Variants in LCLAT1 observed in about 807,000 individuals in gnomAD.
LCLAT1 encodes the protein lysocardiolipin acyltransferase 1.
In LCLAT1, 11 loss-of-function variants were observed where a neutral mutation model predicts 30.7. The observed-to-expected ratio is 0.36, with a 90% CI of 0.23 to 0.59. LCLAT1 has a LOEUF of 0.59. LCLAT1 is among the 20% of genes least tolerant of loss of function. The pLI is 0.77. For missense variants in LCLAT1, 402 were observed against 458.6 expected (o/e 0.88, Z 1.13); for synonymous variants, 155 against 151.3 (o/e 1.02, Z -0.18).
In LCLAT1 at chr2:30,594,262, T is replaced by A. The variant is rs573059896; in HGVS notation, c.628+26086T>A. 2.0e-5 allele frequency among the ~76,000 whole-genome samples: 3 copies of A among 152,302 alleles called. No homozygotes were observed. The East Asian group carries it at 5.8e-4, about 29-fold the overall frequency. On this transcript the variant is annotated intron_variant, in intron 5 of 5. Transcript: ENST00000379509. Reference sequence around the variant, plus strand: ...ACAGAATACATGTGTTTCTCCATATTCAATCCTACTGATTCATATAGTTTT... The same window carrying A: ...ACAGAATACATGTGTTTCTCCATATACAATCCTACTGATTCATATAGTTTT...
intron 1 of LCLAT1, among the ~76,000 whole-genome samples, chr2:30,494,382 C>T (rs1279973405): frequency 1.6e-4 from 25 of 152,108 alleles, no homozygotes; most frequent in Admixed American, 1.5e-3. Context: ...TTTTGAAAGA[C>T]TTGTTTCACA....
At chr2:30,499,891 C>T (rs1684289234) in intron 1 of LCLAT1, among the ~76,000 whole-genome samples, 1 of 152,084 alleles carries the variant, frequency 6.6e-6, no homozygotes. Flanking sequence ...ACATGAAACA[C>T]TTTAAGATAA....
At chr2:30,621,196 A>G (rs147854280) in intron 5 of LCLAT1, among the ~76,000 whole-genome samples, 1 of 152,318 alleles carries the variant, frequency 6.6e-6, no homozygotes, top group Admixed American at 6.5e-5. Flanking sequence ...ACTCATCCAG[A>G]TGTTGACTCT....
chr2:30,566,669 A>C (rs1665496685), intron 4 of LCLAT1, among the ~76,000 whole-genome samples: 1 of 152,168 alleles, frequency 6.6e-6, no homozygotes, highest in African/African-American at 2.4e-5. Flanking sequence ...TCAATTTCGG[A>C]ATGCAGCTGA....
At chr2:30,448,299 A>G (rs777733067) in intron 1 of LCLAT1, among the ~76,000 whole-genome samples, 5 of 152,268 alleles carry the variant, frequency 3.3e-5, no homozygotes, top group African/African-American at 4.8e-5. Context: ...CTCATGAAGT[A>G]TAACTACGTG....
chr2:30,515,388 A>G (rs987407079), intron 1 of LCLAT1, among the ~76,000 whole-genome samples: 4 of 152,262 alleles, frequency 2.6e-5, no homozygotes, highest in African/African-American at 9.6e-5. Flanking sequence ...TGTGAATAAA[A>G]TAACTAAGGA....
chr2:30,629,470 G>T (rs1194556128), intron 5 of LCLAT1, among the ~76,000 whole-genome samples: 2 of 152,188 alleles, frequency 1.3e-5, no homozygotes, highest in Admixed American at 1.3e-4. Flanking sequence ...TGAGGCAGGA[G>T]AATCGCTTGA....
Position 30,642,710 on chromosome 2 carries a change from A to G in LCLAT1, c.*2091A>G, listed in dbSNP as rs1047332331. 37 of 150,440 alleles carry G rather than the reference A, an allele frequency of 2.5e-4. No individual in the cohort carries two copies. Among genetic ancestry groups the G allele is most frequent in the African/African-American group, 7.8e-4 (32 of 40,972 alleles). The allele number at this position is 150,440 out of a possible 1,614,324, so 9.3% of individuals were successfully genotyped here. ...AGAGGGAAGATCCTCATTTTTTACA[A>G]TTTTGTTCCTTTTCATCATAGAAAA... On this transcript the variant is annotated 3_prime_UTR_variant, in exon 6 of 6. Coordinates refer to ENST00000379509, the MANE Select transcript of LCLAT1 (RefSeq NM_001002257.3).
At chr2:30,468,455 G>T (rs1682591976) in intron 1 of LCLAT1, among the ~76,000 whole-genome samples, 1 of 151,892 alleles carries the variant, frequency 6.6e-6, no homozygotes, top group South Asian at 2.1e-4. Flanking sequence ...AATTTCCATT[G>T]TGGTCATTTG....
intron 1 of LCLAT1, among the ~76,000 whole-genome samples, chr2:30,480,123 TGTATTAGTA>T (rs1219509358): frequency 6.6e-6 from 1 of 152,232 alleles, no homozygotes; most frequent in African/African-American, 2.4e-5. Flanking sequence ...TTATATTTGT[TGTATTAGTA>T]TTCTGTTTAA....
chr2:30,478,687 ATAGG>A (rs371152962), intron 1 of LCLAT1, among the ~76,000 whole-genome samples: 531 of 132,650 alleles, frequency 4.0e-3, no homozygotes, highest in African/African-American at 0.011. Flanking sequence ...AAATAGATAG[ATAGG>A]TAGGTAGGTA....
intron 1 of LCLAT1, among the ~76,000 whole-genome samples, chr2:30,482,231 G>A (rs1409779369): frequency 1.3e-5 from 2 of 152,124 alleles, no homozygotes; most frequent in Non-Finnish European, 2.9e-5. Context: ...TCTAAACTAA[G>A]CACTGTTTCT....
Position 30,637,825 on chromosome 2 carries a change from G to A in LCLAT1, c.629-2292G>A, listed in dbSNP as rs184800459. Among the ~76,000 whole-genome samples, 556 of 152,174 alleles carry A rather than the reference G, an allele frequency of 3.7e-3. 14 individuals are homozygous for A. Among genetic ancestry groups the A allele is most frequent in the Admixed American group, 0.028 (434 of 15,288 alleles). ...ACTCCTGACCTCAGGTGATCCACCCGCCTCGGCCTCCTAAAGTGCTGGGAT... is the reference window on the plus strand; with the variant it reads ...ACTCCTGACCTCAGGTGATCCACCCACCTCGGCCTCCTAAAGTGCTGGGAT... On this transcript the variant is annotated intron_variant, in intron 5 of 5. Transcript: ENST00000379509.
chr2:30,447,609 G>C (rs1361688603), intron 1 of LCLAT1: 2 of 152,306 alleles, frequency 1.3e-5, no homozygotes, highest in African/African-American at 2.4e-5. Context: ...GCGGGGAAGC[G>C]ACTCCTGGAG....
chr2:30,534,523 C>T (rs915185519), intron 3 of LCLAT1, among the ~76,000 whole-genome samples: 7 of 152,178 alleles, frequency 4.6e-5, no homozygotes, highest in Non-Finnish European at 4.4e-5. Context: ...CGTAAGCCGC[C>T]TGCGTTGGCC....
chr2:30,631,912 CA>C (rs1322847926), intron 5 of LCLAT1, among the ~76,000 whole-genome samples: 1 of 152,146 alleles, frequency 6.6e-6, no homozygotes, highest in African/African-American at 2.4e-5. Flanking sequence ...TACTGTTATT[CA>C]GATTTTCAGT....
In LCLAT1 at chr2:30,566,433, A is replaced by G. The variant is rs148191235; in HGVS notation, c.512-1627A>G. On this transcript the variant is annotated intron_variant, in intron 4 of 5. Transcript: ENST00000379509. ...ATATCCTCAAATGAATATGAGAGGAACTTACTACTCTTCATGTGTAGGGCC... is the reference window on the plus strand; with the variant it reads ...ATATCCTCAAATGAATATGAGAGGAGCTTACTACTCTTCATGTGTAGGGCC... 6.9e-3 allele frequency among the ~76,000 whole-genome samples: 1,047 copies of G among 152,286 alleles called. 6 individuals are homozygous for G. The highest frequency in any genetic ancestry group is 0.011 in the Non-Finnish European group (736 of 68,016).
At chr2:30,494,686 T>A (rs1463833338) in intron 1 of LCLAT1, among the ~76,000 whole-genome samples, 1 of 151,112 alleles carries the variant, frequency 6.6e-6, no homozygotes, top group African/African-American at 2.4e-5. Flanking sequence ...TTTTTTTTTT[T>A]AAACGTCTGC....
chr2:30,568,717 C>T (rs1216771238), intron 5 of LCLAT1, among the ~76,000 whole-genome samples: 4 of 150,624 alleles, frequency 2.7e-5, no homozygotes, highest in Admixed American at 1.3e-4. Flanking sequence ...ACATGTTAGC[C>T]GGGATGGTCT....
Sources: gnomAD v4.1 joint callset for allele counts (sites outside exome capture counted in the v4.1 genomes callset) on GRCh38, gnomAD v4.1.1 for gene constraint, MANE v1.5 for transcripts, NCBI Gene and HGNC (gene_info 2026-07-23, HGNC 2026-07-21) for gene names.